The following SLC22A24 variants were observed in gnomAD, a reference collection of about 807,000 sequenced individuals.
SLC22A24 encodes the protein steroid transmembrane transporter SLC22A24.
In SLC22A24, 53 loss-of-function variants were observed where a neutral mutation model predicts 49.8. The ratio of observed to expected loss-of-function variants is 1.06; its 90% CI spans 0.85 to 1.34. The LOEUF is 1.34. Ranked by LOEUF, SLC22A24 falls within the 40% of genes most tolerant of loss-of-function variation. The probability of loss-of-function intolerance (pLI) is 0.00; values close to 1 mark genes in which losing one functional copy is unlikely to be tolerated. For missense variants in SLC22A24, 786 were observed against 675.9 expected, an observed-to-expected ratio of 1.16 and a Z score of -1.81; for synonymous variants, 302 against 256.4, an observed-to-expected ratio of 1.18 and a Z score of -1.70.
At chr11:63,117,943 C>A (rs2087223269) in intron 4 of SLC22A24, among the ~76,000 whole-genome samples, 1 of 152,180 alleles carries the variant, frequency 6.6e-6, no homozygotes, top group African/African-American at 2.4e-5. Flanking sequence ...TTCTAATTTT[C>A]AACTCTTTGT....
chr11:63,143,893 A>T lies in SLC22A24; in HGVS notation c.-114T>A. 2 of 888,152 alleles carry T rather than the reference A, an allele frequency of 2.3e-6. No homozygotes were observed. Among genetic ancestry groups the T allele is most frequent in the South Asian group, 4.3e-5 (1 of 23,014 alleles). The allele number at this position is 888,152 out of a possible 1,614,324, so 55.0% of individuals were successfully genotyped here. ...ACCATAGTGCCATGTGGATCCTGAC[A>T]CTGCTTTCTTCTTGGTGGGCCCTGC... On this transcript the variant is annotated 5_prime_UTR_variant, in exon 1 of 10. Transcript: ENST00000612278.
chr11:63,083,283 C>T lies in SLC22A24; in HGVS notation c.1245G>A (p.Pro415=), dbSNP rs766081332. Residue 415 remains proline, a synonymous_variant, in exon 7 of 10, where the codon CCG becomes CCA. Coordinates refer to ENST00000612278, the MANE Select transcript of SLC22A24 (RefSeq NM_001136506.2). Reference sequence around the variant, plus strand: ...TGTTGACCAGAATGAAAAGTCCCACCGGGAACGTGAACAATATCTGGCTTA... The same window carrying T: ...TGTTGACCAGAATGAAAAGTCCCACTGGGAACGTGAACAATATCTGGCTTA... The part of the protein sequence containing the change: ...RRISQILFTF[P]VGLFILVNTF... The T allele has an allele frequency of 1.0e-5, 16 of 1,561,218 alleles. No homozygotes were observed. The highest frequency in any genetic ancestry group is 3.5e-5 in the South Asian group (3 of 84,700).
At chr11:63,139,124 CT>C (rs773806136) in intron 1 of SLC22A24, among the ~76,000 whole-genome samples, 13 of 152,106 alleles carry the variant, frequency 8.5e-5, no homozygotes, top group Non-Finnish European at 1.9e-4. Context: ...CTTCTTGGAA[CT>C]TGTTTTTCTG....
chr11:63,085,797 C>T (rs971774468), intron 6 of SLC22A24, among the ~76,000 whole-genome samples: 7 of 152,110 alleles, frequency 4.6e-5, no homozygotes, highest in African/African-American at 1.7e-4. Flanking sequence ...ATGATAATAA[C>T]AAAATAATTA....
At chr11:63,127,856 T>C (rs2134675052) in intron 2 of SLC22A24, among the ~76,000 whole-genome samples, 1 of 152,260 alleles carries the variant, frequency 6.6e-6, no homozygotes, top group Non-Finnish European at 1.5e-5. Flanking sequence ...TTTTAGATTC[T>C]GGATATTAGC....
intron 9 of SLC22A24, among the ~76,000 whole-genome samples, chr11:63,080,614 A>C (rs1398767839): frequency 2.0e-5 from 3 of 152,232 alleles, no homozygotes; most frequent in African/African-American, 7.2e-5. Context: ...AGAAAACAAC[A>C]GGAGTGTGTG....
chr11:63,088,473 G>C (rs573822631), intron 6 of SLC22A24, among the ~76,000 whole-genome samples: 1 of 152,140 alleles, frequency 6.6e-6, no homozygotes, highest in South Asian at 2.1e-4. Context: ...AGAAGTTGAG[G>C]AAAAATCAGT....
chr11:63,096,112 G>A lies in SLC22A24; in HGVS notation c.955-6C>T, dbSNP rs749655844. On this transcript the variant is annotated splice_polypyrimidine_tract_variant and splice_region_variant and intron_variant, in intron 5 of 9. Transcript: ENST00000612278. ...TTCATGGTGGATCTCACAAGCTTCA[G>A]CAACAAAAATAACAACAAGCATTTG... 2.0e-6 allele frequency: 3 copies of A among 1,528,630 alleles called. No individual in the cohort carries two copies. Among genetic ancestry groups the A allele is most frequent in the Non-Finnish European group, 2.7e-6 (3 of 1,126,422 alleles). The allele number at this position is 1,528,630 out of a possible 1,614,324, so 94.7% of individuals were successfully genotyped here.
chr11:63,108,817 T>G (rs920443346), intron 4 of SLC22A24, among the ~76,000 whole-genome samples: 11 of 151,844 alleles, frequency 7.2e-5, no homozygotes, highest in Non-Finnish European at 5.9e-5. Context: ...TTTGATTCTT[T>G]TTTTTTTCCT....
chr11:63,102,240 A>G (rs568063311), intron 5 of SLC22A24, among the ~76,000 whole-genome samples: 1 of 152,274 alleles, frequency 6.6e-6, no homozygotes, highest in Non-Finnish European at 1.5e-5. Context: ...ACCCATAATA[A>G]TTAAAATCAA....
intron 8 of SLC22A24, 22 bp downstream of exon 8, chr11:63,081,536 A>C: frequency 3.3e-6 from 5 of 1,498,324 alleles, no homozygotes; most frequent in Non-Finnish European, 3.6e-6. Flanking sequence ...TTTTGAAACC[A>C]GATGGTCTTT....
intron 4 of SLC22A24, among the ~76,000 whole-genome samples, chr11:63,113,069 C>CACATATATATATACAT (rs1555048860): frequency 5.7e-4 from 1 of 1,760 alleles, no homozygotes; most frequent in East Asian, 0.17. Context: ...TATATATATA[C>CACATATATATATACAT]ATATATATAC....
chr11:63,082,724 G>A (rs1406750901), intron 7 of SLC22A24, among the ~76,000 whole-genome samples: 1 of 152,206 alleles, frequency 6.6e-6, no homozygotes, highest in African/African-American at 2.4e-5. Context: ...GCAAAGTCAA[G>A]AAGCCTTTTC....
chr11:63,113,835 C>G (rs1482005484), intron 4 of SLC22A24, among the ~76,000 whole-genome samples: 3 of 136,330 alleles, frequency 2.2e-5, no homozygotes, highest in African/African-American at 8.4e-5. Context: ...GCCTGGGCAA[C>G]AGCGTGAGAC....
Position 63,081,092 on chromosome 11 carries a change from C to T in SLC22A24, c.1426G>A (p.Gly476Ser), listed in dbSNP as rs768649745. 61 of 1,551,488 alleles carry T rather than the reference C, an allele frequency of 3.9e-5. No homozygotes were observed. Among genetic ancestry groups the T allele is most frequent in the Admixed American group, 1.2e-4 (6 of 50,984 alleles). ...STVAGINAVS[G>S]RTGAALAPLL... ...GGAGCCAGTGCTGCCCCAGTCCTAC[C>T]GGACACTGCATTGATTCCTGCAACT... Residue 476 changes from glycine (G) to serine (S), a missense_variant, in exon 9 of 10, where the codon GGT (glycine) becomes AGT (serine). Physicochemically the swap from Gly to Ser is moderately conservative, Grantham distance 56. Coordinates refer to ENST00000612278, the MANE Select transcript of SLC22A24 (RefSeq NM_001136506.2).
At position 63,113,081 on chromosome 11, in the gene SLC22A24, C is replaced by CACAT. The variant is rs1950177345; in HGVS notation, c.830+5830_830+5831insATGT. 2.1e-3 allele frequency among the ~76,000 whole-genome samples: 2 copies of CACAT among 944 alleles called. 1 individual carries two copies. Among genetic ancestry groups the CACAT allele is most frequent in the African/African-American group, 2.7e-3 (2 of 740 alleles). The allele number at this position is 944 out of a possible 152,430, so 0.6% of individuals were successfully genotyped here. A position where few individuals can be genotyped will look rare whatever the true frequency, so the allele number is the denominator to read the frequency against. ...ATATATATATATACATATATATACA[C>CACAT]ATATATATACATATATATATACATA... On this transcript the variant is annotated intron_variant, in intron 4 of 9. Transcript: ENST00000612278.
rs1368858783 is a variant in SLC22A24 at position 63,083,114 on chromosome 11, ATTAAC to A, written c.1285+124_1285+128del. 2.3e-5 allele frequency: 17 copies of A among 734,526 alleles called. No homozygotes were observed. In the East Asian group the frequency reaches 4.6e-4, roughly 20 times the overall value. The allele number at this position is 734,526 out of a possible 1,614,324, so 45.5% of individuals were successfully genotyped here. A position where few individuals can be genotyped will look rare whatever the true frequency, so the allele number is the denominator to read the frequency against. On this transcript the variant is annotated intron_variant, in intron 7 of 9. Transcript: ENST00000612278. ...GTCAGAATCAGTTCCAAACCCTCAT[ATTAAC>A]TTCAGGGAATCTTTTGGCTGTCAAG...
At chr11:63,118,546 T>G (rs1590742866) in intron 4 of SLC22A24, 1 of 450,048 alleles carries the variant, frequency 2.2e-6, no homozygotes, top group Middle Eastern at 5.9e-4. Context: ...TAGATAAATT[T>G]ATTGTGTTTT....
intron 1 of SLC22A24, among the ~76,000 whole-genome samples, chr11:63,138,731 T>C (rs1220601172): frequency 6.6e-6 from 1 of 151,876 alleles, no homozygotes; most frequent in Non-Finnish European, 1.5e-5. Context: ...TGCTGTATAG[T>C]TCAATAGCTA....
Sources: allele counts gnomAD v4.1 joint callset (sites outside exome capture counted in the v4.1 genomes callset), GRCh38; gene constraint gnomAD v4.1.1; transcripts MANE v1.5; gene names NCBI Gene and HGNC (gene_info 2026-07-23, HGNC 2026-07-21).